The following NPAS3 variants were observed in gnomAD, a reference collection of about 807,000 sequenced individuals.
NPAS3 encodes neuronal PAS domain protein 3.
Under a neutral mutation model 73.1 loss-of-function variants are expected in NPAS3, and 14 were observed. The ratio of observed to expected loss-of-function variants is 0.19; its 90% CI spans 0.13 to 0.30. The LOEUF is 0.30. NPAS3 is among the 10% of genes least tolerant of loss of function. The pLI, the probability that NPAS3 is intolerant of heterozygous loss-of-function variation, is 1.00. For missense variants in NPAS3, 1,096 were observed against 1,250.0 expected, an observed-to-expected ratio of 0.88 and a Z score of 1.86; for synonymous variants, 620 against 541.5, an observed-to-expected ratio of 1.14 and a Z score of -2.01.
chr14:33,280,098 G>T (rs2041528517), intron 3 of NPAS3, among the ~76,000 whole-genome samples: 1 of 152,144 alleles, frequency 6.6e-6, no homozygotes, highest in African/African-American at 2.4e-5. Flanking sequence ...TTCTGGCGGA[G>T]AGTCTCAGCA....
rs111791050 is a variant in NPAS3, at chr14:32,980,733, G to A, written c.50+41367G>A. ...TTAAAGTTGTTGTTGCATGACAGCC[G>A]GAAGAAGATTTAATGCTTGCCACCT... On this transcript the variant is annotated intron_variant, in intron 1 of 11. Transcript: ENST00000356141. 3.1e-3 allele frequency among the ~76,000 whole-genome samples: 476 copies of A among 152,162 alleles called. 2 individuals are homozygous for A. Among genetic ancestry groups the A allele is most frequent in the African/African-American group, 0.011 (456 of 41,530 alleles).
In NPAS3 at chr14:33,449,748, C is replaced by T. The variant is rs186821676; in HGVS notation, c.468+82480C>T. On this transcript the variant is annotated intron_variant, in intron 4 of 11. Transcript: ENST00000356141. ...TGTTGCATAGACTTTGTTTGGATTACCCTCTTTTATTCCCCCCCAGGCTCT... is the reference window on the plus strand; with the variant it reads ...TGTTGCATAGACTTTGTTTGGATTATCCTCTTTTATTCCCCCCCAGGCTCT... Among the ~76,000 whole-genome samples, 14 of 152,260 alleles carry T rather than the reference C, an allele frequency of 9.2e-5. No homozygotes were observed. The East Asian group carries it at 2.7e-3, about 29-fold the overall frequency.
intron 5 of NPAS3, chr14:33,560,420 G>A (rs1297332377): frequency 2.6e-5 from 11 of 426,202 alleles, no homozygotes; most frequent in South Asian, 1.6e-4. Context: ...CTTTAGTTCC[G>A]CTCCCCACCC....
At chr14:33,762,266 T>A (rs554643247) in intron 7 of NPAS3, among the ~76,000 whole-genome samples, 1 of 151,914 alleles carries the variant, frequency 6.6e-6, no homozygotes, top group Admixed American at 6.5e-5. Flanking sequence ...CTTTTTTTTT[T>A]CCCTGTTTGT....
At chr14:33,337,562 A>C (rs1010145462) in intron 3 of NPAS3, among the ~76,000 whole-genome samples, 4 of 152,008 alleles carry the variant, frequency 2.6e-5, no homozygotes, top group African/African-American at 9.6e-5. Context: ...TGCTTTCACT[A>C]TTCTAGATTA....
At chr14:33,386,899 A>G (rs532434345) in intron 4 of NPAS3, among the ~76,000 whole-genome samples, 4 of 152,238 alleles carry the variant, frequency 2.6e-5, no homozygotes, top group East Asian at 1.9e-4. Context: ...CATCGAAAGT[A>G]TAGGCTCTTA....
At chr14:33,382,758 C>T (rs2138472799) in intron 4 of NPAS3, among the ~76,000 whole-genome samples, 1 of 152,198 alleles carries the variant, frequency 6.6e-6, no homozygotes, top group Non-Finnish European at 1.5e-5. Context: ...TAAAATTTAG[C>T]AAACAGAATA....
intron 5 of NPAS3, among the ~76,000 whole-genome samples, chr14:33,634,424 G>A (rs538851450): frequency 6.6e-6 from 1 of 152,308 alleles, no homozygotes; most frequent in East Asian, 1.9e-4. Flanking sequence ...ATTTAAGGAA[G>A]ATTATTTCTG....
Position 33,487,738 on chromosome 14 carries a change from G to A in NPAS3, c.469-72383G>A, listed in dbSNP as rs115751986. ...TTTTCGTGGAAAATGTGAGTTCTACGTAATTTTCCATTTGAAATTTCCTGT... is the reference window on the plus strand; with the variant it reads ...TTTTCGTGGAAAATGTGAGTTCTACATAATTTTCCATTTGAAATTTCCTGT... On this transcript the variant is annotated intron_variant, in intron 4 of 11. Coordinates refer to ENST00000356141, the Ensembl canonical transcript of NPAS3. Among the ~76,000 whole-genome samples the A allele has an allele frequency of 8.4e-3, 1,274 of 152,208 alleles. 12 individuals are homozygous for A. Among genetic ancestry groups the A allele is most frequent in the African/African-American group, 0.028 (1,180 of 41,526 alleles).
intron 2 of NPAS3, among the ~76,000 whole-genome samples, chr14:33,200,544 C>T (rs1373153423): frequency 1.3e-5 from 2 of 150,562 alleles, no homozygotes; most frequent in Non-Finnish European, 3.0e-5. Flanking sequence ...AATCCTACTC[C>T]CAGCAAAGGT....
At chr14:33,104,818 G>A (rs1395770016) in intron 2 of NPAS3, among the ~76,000 whole-genome samples, 2 of 152,140 alleles carry the variant, frequency 1.3e-5, no homozygotes, top group Non-Finnish European at 2.9e-5. Context: ...AGACAATTGA[G>A]TATGTTCTGC....
At chr14:33,450,435 G>C (rs1036948511) in intron 4 of NPAS3, among the ~76,000 whole-genome samples, 1 of 152,072 alleles carries the variant, frequency 6.6e-6, no homozygotes, top group African/African-American at 2.4e-5. Flanking sequence ...ACAAATAACA[G>C]CTCTTTGGTG....
chr14:33,131,867 C>G (rs1188619860), intron 2 of NPAS3, among the ~76,000 whole-genome samples: 1 of 152,124 alleles, frequency 6.6e-6, no homozygotes, highest in Non-Finnish European at 1.5e-5. Flanking sequence ...TGAGCCGAAG[C>G]TTGCAGGATC....
intron 1 of NPAS3, among the ~76,000 whole-genome samples, chr14:32,966,518 C>T (rs994864496): frequency 3.3e-5 from 5 of 152,166 alleles, no homozygotes; most frequent in Non-Finnish European, 1.5e-5. Flanking sequence ...TAAAACTAGA[C>T]GGTTCTCTCT....
intron 3 of NPAS3, among the ~76,000 whole-genome samples, chr14:33,286,768 A>G (rs1420722644): frequency 6.6e-6 from 1 of 152,074 alleles, no homozygotes; most frequent in Non-Finnish European, 1.5e-5. Context: ...TAGTTAGAGG[A>G]TTGACTTGCT....
chr14:33,740,777 C>G (rs1458315966), intron 7 of NPAS3, among the ~76,000 whole-genome samples: 1 of 152,146 alleles, frequency 6.6e-6, no homozygotes, highest in Non-Finnish European at 1.5e-5. Flanking sequence ...TTTATCATGA[C>G]TTCATGCTAG....
chr14:33,388,111 G>A (rs755248460), intron 4 of NPAS3, among the ~76,000 whole-genome samples: 14 of 152,122 alleles, frequency 9.2e-5, no homozygotes, highest in Non-Finnish European at 1.2e-4. Context: ...CCCAGGAGAA[G>A]TGAATGGCAT....
chr14:33,029,088 G>T (rs1198042079), intron 1 of NPAS3, among the ~76,000 whole-genome samples: 1 of 152,126 alleles, frequency 6.6e-6, no homozygotes, highest in African/African-American at 2.4e-5. Context: ...CAAAGGCAGA[G>T]TAGAGGAAAG....
intron 4 of NPAS3, among the ~76,000 whole-genome samples, chr14:33,449,078 C>G (rs1049555324): frequency 6.6e-6 from 1 of 152,164 alleles, no homozygotes; most frequent in African/African-American, 2.4e-5. Context: ...ACACCCCAAC[C>G]GCATAGGCCT....
Sources: allele counts gnomAD v4.1 joint callset (sites outside exome capture counted in the v4.1 genomes callset), GRCh38; gene constraint gnomAD v4.1.1; transcripts MANE v1.5; gene names NCBI Gene and HGNC (gene_info 2026-07-23, HGNC 2026-07-21).